The following SLC25A21 variants were observed in gnomAD, a reference collection of about 807,000 sequenced individuals.
The protein encoded by SLC25A21 is mitochondrial 2-oxodicarboxylate carrier.
SLC25A21 carries 47 observed loss-of-function variants against 43.8 expected under a neutral mutation model. The ratio of observed to expected loss-of-function variants is 1.07; its 90% confidence interval spans 0.85 to 1.37. The LOEUF (loss-of-function observed/expected upper bound fraction) is 1.37, where lower values mean the gene tolerates loss of function less well. Ranked by LOEUF, SLC25A21 falls within the 40% of genes most tolerant of loss-of-function variation. The probability of loss-of-function intolerance (pLI) is 0.00; values close to 1 mark genes in which losing one functional copy is unlikely to be tolerated. For missense variants in SLC25A21, 352 were observed against 350.2 expected, an observed-to-expected ratio of 1.00 and a Z score of -0.04; for synonymous variants, 131 against 121.3, an observed-to-expected ratio of 1.08 and a Z score of -0.52.
At chr14:37,111,977 C>A (rs1003554300) in intron 1 of SLC25A21, among the ~76,000 whole-genome samples, 1 of 152,120 alleles carries the variant, frequency 6.6e-6, no homozygotes, top group Non-Finnish European at 1.5e-5. Context: ...AATTGTTTTG[C>A]ACCAATAATG....
intron 1 of SLC25A21, among the ~76,000 whole-genome samples, chr14:36,883,154 T>C (rs1890792063): frequency 6.6e-6 from 1 of 152,022 alleles, no homozygotes; most frequent in African/African-American, 2.4e-5. Flanking sequence ...CAACAATGGC[T>C]CCCCATTATA....
intron 1 of SLC25A21, among the ~76,000 whole-genome samples, chr14:36,955,728 T>G (rs1479668741): frequency 2.3e-5 from 3 of 128,122 alleles, no homozygotes; most frequent in East Asian, 2.2e-4. Flanking sequence ...GGCCTAAGGT[T>G]GTTTTTTTTT....
At chr14:36,775,459 A>G (rs1457989726) in intron 3 of SLC25A21, among the ~76,000 whole-genome samples, 1 of 152,230 alleles carries the variant, frequency 6.6e-6, no homozygotes, top group Non-Finnish European at 1.5e-5. Flanking sequence ...CAAATCAAAC[A>G]CAGTCAACTG....
intron 1 of SLC25A21, among the ~76,000 whole-genome samples, chr14:37,091,426 T>C (rs1962583962): frequency 6.8e-6 from 1 of 146,236 alleles, no homozygotes; most frequent in Non-Finnish European, 1.5e-5. Context: ...AGAATGAGAC[T>C]CAGTCTCAAA....
chr14:37,059,985 G>A (rs10135756), intron 1 of SLC25A21, among the ~76,000 whole-genome samples: 63,285 of 151,900 alleles, frequency 0.42, 14,546 homozygotes, highest in African/African-American at 0.63. Context: ...TTTTTAAGAA[G>A]AATTATAAAG....
intron 2 of SLC25A21, among the ~76,000 whole-genome samples, chr14:36,833,770 GA>G (rs1323750376): frequency 6.6e-6 from 1 of 152,212 alleles, no homozygotes; most frequent in Non-Finnish European, 1.5e-5. Context: ...ATGCAAATTT[GA>G]TAAGGGATTT....
chr14:36,727,385 G>C (rs1449783931), intron 5 of SLC25A21, among the ~76,000 whole-genome samples: 1 of 152,180 alleles, frequency 6.6e-6, no homozygotes, highest in African/African-American at 2.4e-5. Context: ...TGTTCTTGTT[G>C]CGCATAAAAA....
chr14:36,888,614 C>T (rs987619160), intron 1 of SLC25A21, among the ~76,000 whole-genome samples: 1 of 151,962 alleles, frequency 6.6e-6, no homozygotes, highest in East Asian at 1.9e-4. Context: ...AAATAGCTTC[C>T]TCCCTCTGTG....
chr14:37,163,151 G>A (rs1963976203), intron 1 of SLC25A21, among the ~76,000 whole-genome samples: 1 of 151,528 alleles, frequency 6.6e-6, no homozygotes, highest in South Asian at 2.1e-4. Flanking sequence ...TGGGGTGGGG[G>A]GATGGGGGAG....
Position 36,772,762 on chromosome 14 carries a change from T to C in SLC25A21, c.204-38189A>G, listed in dbSNP as rs148960979. ...AAACCTAGAGTGTTAAATCTGTGAATACCAAGGCTCCCCTGCATAGTTCTC... is the reference window on the plus strand; with the variant it reads ...AAACCTAGAGTGTTAAATCTGTGAACACCAAGGCTCCCCTGCATAGTTCTC... On this transcript the variant is annotated intron_variant, in intron 3 of 9. Transcript: ENST00000331299. Among the ~76,000 whole-genome samples the C allele has an allele frequency of 1.9e-3, 289 of 152,338 alleles. 2 individuals carry two copies. The highest frequency in any genetic ancestry group is 6.8e-3 in the African/African-American group (282 of 41,590).
chr14:36,780,816 T>C (rs368774752), intron 3 of SLC25A21, among the ~76,000 whole-genome samples: 49 of 152,236 alleles, frequency 3.2e-4, no homozygotes, highest in African/African-American at 1.2e-3. Context: ...TGATAGAATG[T>C]TCTGTACTTG....
intron 1 of SLC25A21, among the ~76,000 whole-genome samples, chr14:37,130,737 A>T (rs537869588): frequency 6.6e-6 from 1 of 152,340 alleles, no homozygotes; most frequent in African/African-American, 2.4e-5. Flanking sequence ...CCTGGCAGTG[A>T]GTATTTCAGA....
intron 1 of SLC25A21, among the ~76,000 whole-genome samples, chr14:36,965,788 G>T (rs1341025139): frequency 1.3e-5 from 2 of 152,106 alleles, no homozygotes; most frequent in African/African-American, 2.4e-5. Flanking sequence ...CCATAAGAGA[G>T]CCCTAATCAT....
chr14:36,940,424 G>A (rs749080957), intron 1 of SLC25A21, among the ~76,000 whole-genome samples: 5 of 152,068 alleles, frequency 3.3e-5, no homozygotes, highest in African/African-American at 9.6e-5. Context: ...AAAAATAGGA[G>A]TTTATGGTGG....
intron 1 of SLC25A21, among the ~76,000 whole-genome samples, chr14:36,963,182 T>C (rs886967169): frequency 5.3e-5 from 8 of 152,158 alleles, no homozygotes; most frequent in Non-Finnish European, 1.0e-4. Flanking sequence ...GCTTAGTACA[T>C]ATCCCCCCAT....
chr14:36,923,218 A>C (rs1449971803), intron 1 of SLC25A21, among the ~76,000 whole-genome samples: 2 of 152,222 alleles, frequency 1.3e-5, no homozygotes, highest in African/African-American at 4.8e-5. Flanking sequence ...TAATGTAGCT[A>C]TCCACGCATT....
chr14:37,064,458 T>C (rs1191347607), intron 1 of SLC25A21, among the ~76,000 whole-genome samples: 1 of 151,566 alleles, frequency 6.6e-6, no homozygotes, highest in African/African-American at 2.4e-5. Flanking sequence ...TTGGTCTGTC[T>C]TGGGAGAACC....
At chr14:36,740,903 C>G (rs1048992989) in intron 3 of SLC25A21, among the ~76,000 whole-genome samples, 2 of 152,078 alleles carry the variant, frequency 1.3e-5, no homozygotes, top group Admixed American at 1.3e-4. Flanking sequence ...CAGACAGAGC[C>G]TTAATTAAAC....
rs1882681769 is a variant in SLC25A21, at chr14:36,689,090, C to T, written c.604-4165G>A. Among the ~76,000 whole-genome samples the T allele has an allele frequency of 4.6e-5, 7 of 152,324 alleles. No individual in the cohort carries two copies. In the South Asian group the frequency reaches 1.5e-3, roughly 32 times the overall value. On this transcript the variant is annotated intron_variant, in intron 7 of 9. Coordinates refer to ENST00000331299, the MANE Select transcript of SLC25A21 (RefSeq NM_030631.4). ...CAATTTACAAAAGAAAGAGGTTTAA[C>T]TGGACTTACAGTTCCACATGGTTGG... is the stretch of plus-strand genomic sequence containing the variant.
Sources: allele counts gnomAD v4.1 joint callset (sites outside exome capture counted in the v4.1 genomes callset), GRCh38; gene constraint gnomAD v4.1.1; transcripts MANE v1.5; gene names NCBI Gene and HGNC (gene_info 2026-07-23, HGNC 2026-07-21).